The following SULT2B1 variants were observed in gnomAD, a reference collection of about 807,000 sequenced individuals.
SULT2B1 encodes the protein sulfotransferase family 2B member 1, also known as sulfotransferase 2B1.
A neutral mutation model predicts 33.2 loss-of-function variants in SULT2B1; 16 were observed. That is an observed-to-expected ratio of 0.48 (90% CI 0.33 to 0.73). The LOEUF is 0.73. SULT2B1 is among the 30% of genes least tolerant of loss of function. The pLI is 0.02. For missense variants in SULT2B1, 500 were observed against 506.0 expected (o/e 0.99, Z 0.11); for synonymous variants, 186 against 200.5 (o/e 0.93, Z 0.61).
intron 2 of SULT2B1, among the ~76,000 whole-genome samples, chr19:48,578,309 CA>C (rs1568409196): frequency 6.6e-6 from 1 of 151,832 alleles, no homozygotes; most frequent in African/African-American, 2.4e-5. Flanking sequence ...CAGCCGAGCA[CA>C]GTGGCTCACA....
intron 1 of SULT2B1, among the ~76,000 whole-genome samples, chr19:48,566,989 C>G (rs111906352): frequency 0.012 from 1,835 of 151,648 alleles, 37 homozygotes; most frequent in African/African-American, 0.043. Context: ...GGCGATAGAG[C>G]AAGACTCTGT....
rs934968671 is a variant in SULT2B1 at position 48,552,605 on chromosome 19, C to G, written c.71+282C>G. 1.3e-5 allele frequency among the ~76,000 whole-genome samples: 2 copies of G among 152,180 alleles called. No homozygotes were observed. Among genetic ancestry groups the G allele is most frequent in the Non-Finnish European group, 2.9e-5 (2 of 68,032 alleles). ...TTTTTCTGTCTGTCAAAGGGGCCCACAAGCCCTGTGTCTCCCTGATAGAGC... is the reference window on the plus strand; with the variant it reads ...TTTTTCTGTCTGTCAAAGGGGCCCAGAAGCCCTGTGTCTCCCTGATAGAGC... On this transcript the variant is annotated intron_variant, in intron 1 of 6. Coordinates refer to ENST00000201586, the MANE Select transcript of SULT2B1 (RefSeq NM_177973.2). The surrounding 1 kb of genome is among the most constrained non-coding windows in gnomAD (Gnocchi z 4.8).
At position 48,592,816 on chromosome 19, in the gene SULT2B1, G is replaced by A; in HGVS notation, c.645G>A (p.Gln215=). The change falls in exon 5 of 7, where the codon CAG becomes CAA. Residue 215 remains glutamine (Q), a splice_region_variant and synonymous_variant. Coordinates refer to ENST00000201586, the MANE Select transcript of SULT2B1 (RefSeq NM_177973.2). ...TTATCACCTACGAGGAGCTGCAGCAGGTGAGTCCCCACCTCCTCCAGGTGC... is the reference window on the plus strand; with the variant it reads ...TTATCACCTACGAGGAGCTGCAGCAAGTGAGTCCCCACCTCCTCCAGGTGC... ...FLFITYEELQ[Q]DLQGSVERIC... 1 of 1,562,482 alleles carries A rather than the reference G, an allele frequency of 6.4e-7. No homozygotes were observed. Among genetic ancestry groups the A allele is most frequent in the Non-Finnish European group, 8.7e-7 (1 of 1,152,194 alleles).
intron 1 of SULT2B1, among the ~76,000 whole-genome samples, chr19:48,565,685 T>TTTTG (rs575306168): frequency 3.3e-5 from 5 of 151,744 alleles, no homozygotes; most frequent in Admixed American, 6.6e-5. Flanking sequence ...TAGCTAGTGG[T>TTTTG]TTTGTTTGTT....
intron 5 of SULT2B1, among the ~76,000 whole-genome samples, chr19:48,595,119 C>G (rs941436763): frequency 6.6e-6 from 1 of 150,970 alleles, no homozygotes; most frequent in Non-Finnish European, 1.5e-5. Flanking sequence ...CCTGTCTTTA[C>G]TAAAAATACA....
chr19:48,599,330 G>A lies in SULT2B1; in HGVS notation c.1022G>A (p.Arg341His), dbSNP rs141268538. ...CTTGAGCCCAACACCAGCCTGGAGC[G>A]TGAGCCCAGACCCAACTCCAGCCCC... is the stretch of plus-strand genomic sequence containing the variant. ...PSLEPNTSLE[R>H]EPRPNSSPSP... Residue 341 changes from arginine (R) to histidine (H), a missense_variant, in exon 7 of 7, where the codon CGT becomes CAT. Physicochemically the swap from Arg to His is conservative, Grantham distance 29. Coordinates refer to ENST00000201586, the MANE Select transcript of SULT2B1 (RefSeq NM_177973.2). This position sits in a 1 kb window ranked among gnomAD's most constrained non-coding sequence, Gnocchi z 4.1. 33 of 1,598,700 alleles carry A rather than the reference G, an allele frequency of 2.1e-5. No homozygotes were observed. In the African/African-American group the frequency reaches 2.7e-4, roughly 13 times the overall value.
chr19:48,562,673 G>A (rs1383165089), intron 1 of SULT2B1, among the ~76,000 whole-genome samples: 1 of 151,638 alleles, frequency 6.6e-6, no homozygotes, highest in Non-Finnish European at 1.5e-5. Flanking sequence ...TATTTATATA[G>A]ACTTTATTTA....
rs569127004 is a variant in SULT2B1 at position 48,565,367 on chromosome 19, A to T, written c.72-10574A>T. The stretch of plus-strand genomic sequence containing the variant: ...GTGTGTGTGTTTGTGTGTATGTGTG[A>T]GAGAGAGAGACAGAGAGATGGAGAG... On this transcript the variant is annotated intron_variant, in intron 1 of 6. Transcript: ENST00000201586. Among the ~76,000 whole-genome samples the T allele has an allele frequency of 3.3e-5, 5 of 151,524 alleles. No homozygotes were observed. In the South Asian group the frequency reaches 6.3e-4, roughly 19 times the overall value.
At chr19:48,553,479 A>G (rs369927683) in intron 1 of SULT2B1, among the ~76,000 whole-genome samples, 4 of 151,970 alleles carry the variant, frequency 2.6e-5, no homozygotes, top group African/African-American at 4.8e-5. Flanking sequence ...GGCTAATTTT[A>G]TTTTTGTATT....
chr19:48,576,359 C>CTTTTCTTTTTTTTT lies in SULT2B1; in HGVS notation c.214+280_214+281insCTTTTTTTTTTTTT. Among the ~76,000 whole-genome samples the CTTTTCTTTTTTTTT allele has an allele frequency of 2.1e-3, 203 of 96,698 alleles. 15 individuals carry two copies. Among genetic ancestry groups the CTTTTCTTTTTTTTT allele is most frequent in the East Asian group, 5.5e-3 (19 of 3,434 alleles). 63.4% of individuals were successfully genotyped at this position (96,698 alleles called of 152,430 possible). On this transcript the variant is annotated intron_variant, in intron 2 of 6. Transcript: ENST00000201586. ...CCTTTCCCCTTTACCCTCTACTTCTCTTTTTTTTTTTTTTTTTTGTAGAGA... is the reference window on the plus strand; with the variant it reads ...CCTTTCCCCTTTACCCTCTACTTCTCTTTTCTTTTTTTTTTTTTTTTTTTTTTTTTTTGTAGAGA...
Position 48,592,739 on chromosome 19 carries a change from T to G in SULT2B1, c.568T>G (p.Phe190Val). Residue 190 changes from phenylalanine (F) to valine (V), a missense_variant, in exon 5 of 7, where the codon TTC becomes GTC. Physicochemically the swap from Phe to Val is conservative, Grantham distance 50 (BLOSUM62 -1). Transcript: ENST00000201586. ...LKGEVQFGSW[F>V]DHIKGWLRMK... ...GCCCACAGTGCAGTTTGGCTCCTGG[T>G]TCGACCACATTAAGGGCTGGCTTCG... 1 of 1,597,750 alleles carries G rather than the reference T, an allele frequency of 6.3e-7. No homozygotes were observed. The highest frequency in any genetic ancestry group is 1.1e-5 in the South Asian group (1 of 88,208).
At chr19:48,598,799 G>C (rs1240253441) in intron 6 of SULT2B1, among the ~76,000 whole-genome samples, 2 of 152,064 alleles carry the variant, frequency 1.3e-5, no homozygotes, top group Non-Finnish European at 2.9e-5. Context: ...TCGCAGAGGA[G>C]GTGACACAAG....
In SULT2B1 at chr19:48,552,786, A is replaced by C. The variant is rs1973046752; in HGVS notation, c.71+463A>C. Among the ~76,000 whole-genome samples the C allele has an allele frequency of 6.6e-6, 1 of 152,084 alleles. No individual in the cohort carries two copies. The highest frequency in any genetic ancestry group is 1.5e-5 in the Non-Finnish European group (1 of 67,990). ...TGCTGCTGAGACCCCCAGAGGGAGAAGCTGTGTTCTAGGGCACTTGGGGCG... is the reference window on the plus strand; with the variant it reads ...TGCTGCTGAGACCCCCAGAGGGAGACGCTGTGTTCTAGGGCACTTGGGGCG... On this transcript the variant is annotated intron_variant, in intron 1 of 6. Transcript: ENST00000201586. This position sits in a 1 kb window ranked among gnomAD's most constrained non-coding sequence, Gnocchi z 4.8.
chr19:48,583,775 G>A (rs915436245), intron 2 of SULT2B1, among the ~76,000 whole-genome samples: 7 of 151,834 alleles, frequency 4.6e-5, no homozygotes, highest in Non-Finnish European at 8.8e-5. Context: ...TGGAGATTGC[G>A]CCACTGCACT....
chr19:48,597,764 C>G (rs1190274265), intron 6 of SULT2B1, among the ~76,000 whole-genome samples: 1 of 151,570 alleles, frequency 6.6e-6, no homozygotes, highest in Non-Finnish European at 1.5e-5. Flanking sequence ...CTGCCTCAGC[C>G]TCCCAAGTAG....
At chr19:48,587,521 C>A in intron 3 of SULT2B1, 84 bp downstream of exon 3, 2 of 1,449,438 alleles carry the variant, frequency 1.4e-6, no homozygotes, top group Non-Finnish European at 1.9e-6. Context: ...CTCATTGATT[C>A]ATTCAGCACC....
At chr19:48,571,803 G>T (rs1568406695) in intron 1 of SULT2B1, among the ~76,000 whole-genome samples, 1 of 152,076 alleles carries the variant, frequency 6.6e-6, no homozygotes, top group Non-Finnish European at 1.5e-5. Flanking sequence ...GGTGCAGGGG[G>T]TCTAGCTGTA....
intron 2 of SULT2B1, among the ~76,000 whole-genome samples, chr19:48,581,472 GT>G (rs4011541): frequency 1.3e-4 from 16 of 118,894 alleles, no homozygotes; most frequent in Admixed American, 2.9e-4. Flanking sequence ...AGATTTGAGA[GT>G]TTTTTTTTTT....
chr19:48,590,660 A>T (rs1289381024), intron 3 of SULT2B1, among the ~76,000 whole-genome samples: 1 of 152,164 alleles, frequency 6.6e-6, no homozygotes, highest in South Asian at 2.1e-4. Context: ...CTCAGGACCT[A>T]GGGGCAAGGG....
Sources: allele counts gnomAD v4.1 joint callset (sites outside exome capture counted in the v4.1 genomes callset), GRCh38; gene constraint gnomAD v4.1.1; non-coding constraint Gnocchi (gnomAD v3.1); transcripts MANE v1.5; gene names NCBI Gene and HGNC (gene_info 2026-07-23, HGNC 2026-07-21).